NUBPL: variants seen among roughly 807,000 people sequenced by gnomAD.
NUBPL encodes the protein iron-sulfur cluster transfer protein NUBPL.
In NUBPL, 31 loss-of-function variants were observed where a neutral mutation model predicts 45.7. That is an observed-to-expected ratio of 0.68 (90% CI 0.51 to 0.92). The LOEUF (loss-of-function observed/expected upper bound fraction) is 0.92, where lower values mean the gene tolerates loss of function less well. Ranked by LOEUF, NUBPL falls within the 40% of genes least tolerant of loss-of-function variation. The pLI is 0.00. For missense variants in NUBPL, 401 were observed against 398.7 expected, an observed-to-expected ratio of 1.01 and a Z score of -0.05; for synonymous variants, 144 against 140.9, an observed-to-expected ratio of 1.02 and a Z score of -0.15.
chr14:31,609,208 C>G (rs1044448537), intron 4 of NUBPL, among the ~76,000 whole-genome samples: 1 of 151,728 alleles, frequency 6.6e-6, no homozygotes, highest in African/African-American at 2.4e-5. Flanking sequence ...CACACATAGA[C>G]TGAAAATAAA....
intron 6 of NUBPL, among the ~76,000 whole-genome samples, chr14:31,767,238 T>C (rs1278801121): frequency 6.6e-6 from 1 of 152,210 alleles, no homozygotes; most frequent in Non-Finnish European, 1.5e-5. Flanking sequence ...TTTCGCTCTT[T>C]CAGCTCTTGG....
intron 4 of NUBPL, among the ~76,000 whole-genome samples, chr14:31,661,678 C>T (rs953943561): frequency 3.3e-5 from 5 of 152,066 alleles, no homozygotes; most frequent in African/African-American, 1.2e-4. Context: ...GTAGCTGGGA[C>T]TATAGGCGCT....
intron 6 of NUBPL, among the ~76,000 whole-genome samples, chr14:31,725,769 G>A (rs902337855): frequency 3.5e-5 from 5 of 141,074 alleles, no homozygotes. Context: ...GAGTGGAGTG[G>A]TGCAATCTTG....
intron 9 of NUBPL, among the ~76,000 whole-genome samples, chr14:31,849,324 C>T (rs1355566868): frequency 6.6e-6 from 1 of 152,152 alleles, no homozygotes; most frequent in Non-Finnish European, 1.5e-5. Flanking sequence ...GGCAAGTCAA[C>T]TTTTCCGCTT....
intron 7 of NUBPL, among the ~76,000 whole-genome samples, chr14:31,792,301 C>T (rs1251914644): frequency 1.3e-5 from 2 of 152,250 alleles, no homozygotes; most frequent in African/African-American, 4.8e-5. Context: ...ATATCCAACT[C>T]GTTATCTGGA....
chr14:31,596,656 A>G lies in NUBPL; in HGVS notation c.292-2633A>G, dbSNP rs539679414. On this transcript the variant is annotated intron_variant, in intron 3 of 10. Transcript: ENST00000281081. ...CCCTTTAAGAATAAGTGTGCTCTGT[A>G]TCTAAGTTTTTGGAGTTAGATCGTG... Among the ~76,000 whole-genome samples, 18 of 152,330 alleles carry G rather than the reference A, an allele frequency of 1.2e-4. No individual in the cohort carries two copies. In the East Asian group the frequency reaches 2.1e-3, roughly 18 times the overall value.
intron 7 of NUBPL, among the ~76,000 whole-genome samples, chr14:31,812,683 A>G (rs1048657670): frequency 6.6e-6 from 1 of 152,130 alleles, no homozygotes; most frequent in Non-Finnish European, 1.5e-5. Context: ...CAGGTACCTC[A>G]GTTGGAAATG....
At chr14:31,598,496 A>G (rs1490162255) in intron 3 of NUBPL, among the ~76,000 whole-genome samples, 2 of 152,182 alleles carry the variant, frequency 1.3e-5, no homozygotes, top group South Asian at 2.1e-4. Context: ...TTCATCTATC[A>G]AAGGAGAAAG....
chr14:31,703,673 C>T (rs1025029955), intron 6 of NUBPL, among the ~76,000 whole-genome samples: 1 of 152,212 alleles, frequency 6.6e-6, no homozygotes, highest in African/African-American at 2.4e-5. Flanking sequence ...GAAAGACCCA[C>T]TCCCGTGATT....
intron 6 of NUBPL, among the ~76,000 whole-genome samples, chr14:31,683,985 G>T (rs536862536): frequency 6.6e-6 from 1 of 152,030 alleles, no homozygotes; most frequent in South Asian, 2.1e-4. Context: ...TTTTTTCTCT[G>T]GCAGTTTTCA....
In NUBPL at chr14:31,577,410, GGTTT is replaced by G. The variant is rs372404856; in HGVS notation, c.291+12379_291+12382del. Among the ~76,000 whole-genome samples, 180 of 152,036 alleles carry G rather than the reference GGTTT, an allele frequency of 1.2e-3. No homozygotes were observed. The Middle Eastern group carries it at 0.014, about 11-fold the overall frequency. On this transcript the variant is annotated intron_variant, in intron 3 of 10. Transcript: ENST00000281081. ...GGCCTCTGCTGAGATTGCTTGGCTTGGTTTGTTTGTTTGTTTGTTTTGAGATGGA... is the reference window on the plus strand; with the variant it reads ...GGCCTCTGCTGAGATTGCTTGGCTTGGTTTGTTTGTTTGTTTTGAGATGGA...
intron 6 of NUBPL, among the ~76,000 whole-genome samples, chr14:31,725,108 T>C (rs1347264844): frequency 6.6e-6 from 1 of 152,098 alleles, no homozygotes; most frequent in East Asian, 1.9e-4. Flanking sequence ...GGACATGATT[T>C]GGTTGTTTTA....
chr14:31,848,152 C>T (rs17379852), intron 9 of NUBPL, among the ~76,000 whole-genome samples: 15,366 of 152,210 alleles, frequency 0.1, 933 homozygotes, highest in Non-Finnish European at 0.14. Flanking sequence ...AAAACACTGA[C>T]TACTGATCAC....
chr14:31,812,957 C>T (rs1194122133), intron 7 of NUBPL, among the ~76,000 whole-genome samples: 2 of 150,166 alleles, frequency 1.3e-5, no homozygotes, highest in African/African-American at 4.9e-5. Context: ...CCTAAGTGAA[C>T]TCATTCTGGA....
intron 6 of NUBPL, among the ~76,000 whole-genome samples, chr14:31,736,845 CATCCTTATTA>C (rs2038176573): frequency 1.3e-5 from 2 of 152,192 alleles, no homozygotes. Flanking sequence ...AGTTGTTCTA[CATCCTTATTA>C]ACACTTGGTT....
At chr14:31,639,099 C>T (rs2035600966) in intron 4 of NUBPL, among the ~76,000 whole-genome samples, 1 of 152,214 alleles carries the variant, frequency 6.6e-6, no homozygotes, top group Non-Finnish European at 1.5e-5. Flanking sequence ...CAAAGTCATT[C>T]TCCGTCCAGC....
chr14:31,705,300 T>G (rs1005138685), intron 6 of NUBPL, among the ~76,000 whole-genome samples: 10 of 152,146 alleles, frequency 6.6e-5, no homozygotes, highest in Non-Finnish European at 1.3e-4. Context: ...TCAGCAAGAT[T>G]TATTGTGAAG....
chr14:31,808,938 G>C (rs2039745171), intron 7 of NUBPL, among the ~76,000 whole-genome samples: 1 of 152,144 alleles, frequency 6.6e-6, no homozygotes, highest in South Asian at 2.1e-4. Flanking sequence ...TGCATATGTT[G>C]GACCAGCCTT....
intron 6 of NUBPL, among the ~76,000 whole-genome samples, chr14:31,693,576 G>T (rs2037138582): frequency 2.0e-5 from 3 of 151,986 alleles, no homozygotes. Context: ...GCATGGAAAA[G>T]ATTCATAGAC....
Sources: allele counts gnomAD v4.1 joint callset (sites outside exome capture counted in the v4.1 genomes callset), GRCh38; gene constraint gnomAD v4.1.1; transcripts MANE v1.5; gene names NCBI Gene and HGNC (gene_info 2026-07-23, HGNC 2026-07-21).